Variants in KCND2 observed in about 807,000 individuals in gnomAD.
The protein encoded by KCND2 is potassium voltage-gated channel subfamily D member 2.
KCND2 carries 16 observed loss-of-function variants against 54.4 expected under a neutral mutation model. The observed-to-expected ratio is 0.29, with a 90% CI of 0.20 to 0.45. The LOEUF (loss-of-function observed/expected upper bound fraction) is 0.45, where lower values mean the gene tolerates loss of function less well. Ranked by LOEUF, KCND2 falls within the 20% of genes least tolerant of loss-of-function variation. KCND2 has a pLI of 1.00. For missense variants in KCND2, 486 were observed against 824.2 expected (o/e 0.59, Z 5.02); for synonymous variants, 317 against 310.7 (o/e 1.02, Z -0.21).
At position 120,474,940 on chromosome 7, in the gene KCND2, A is replaced by G. The variant is rs148458399; in HGVS notation, c.1115+199193A>G. Among the ~76,000 whole-genome samples the G allele has an allele frequency of 5.2e-3, 798 of 152,244 alleles. 6 individuals carry two copies. Among genetic ancestry groups the G allele is most frequent in the African/African-American group, 0.018 (746 of 41,546 alleles). ...ATGTTGCCTCCGAACTCCTGGGCTC[A>G]AGCAGTCCTCCCACCTCACCCTCCC... is the stretch of plus-strand genomic sequence containing the variant. On this transcript the variant is annotated intron_variant, in intron 1 of 5. Transcript: ENST00000331113.
intron 1 of KCND2, among the ~76,000 whole-genome samples, chr7:120,575,614 A>G (rs1218231269): frequency 2.0e-5 from 3 of 152,322 alleles, no homozygotes; most frequent in Non-Finnish European, 4.4e-5. Context: ...TATTAACTAT[A>G]GCGTAAATTC....
At chr7:120,438,935 A>G (rs1047471432) in intron 1 of KCND2, among the ~76,000 whole-genome samples, 3 of 152,134 alleles carry the variant, frequency 2.0e-5, no homozygotes, top group Non-Finnish European at 4.4e-5. Flanking sequence ...ACAAATATTT[A>G]TTAACTTTCT....
At chr7:120,617,446 A>T (rs1258848133) in intron 1 of KCND2, among the ~76,000 whole-genome samples, 1 of 152,192 alleles carries the variant, frequency 6.6e-6, no homozygotes, top group East Asian at 1.9e-4. Flanking sequence ...GTGAGATTCT[A>T]TTTCACACCA....
chr7:120,480,836 C>T (rs1376880145), intron 1 of KCND2, among the ~76,000 whole-genome samples: 2 of 152,110 alleles, frequency 1.3e-5, no homozygotes, highest in Non-Finnish European at 2.9e-5. Context: ...GAAAGAACAT[C>T]GGTACCAAGA....
intron 1 of KCND2, among the ~76,000 whole-genome samples, chr7:120,480,057 A>G (rs901708266): frequency 2.0e-5 from 3 of 151,542 alleles, no homozygotes; most frequent in Admixed American, 2.0e-4. Flanking sequence ...TTTATTCCTT[A>G]TAATGAACTT....
chr7:120,450,466 G>A (rs1257775386), intron 1 of KCND2, among the ~76,000 whole-genome samples: 2 of 152,070 alleles, frequency 1.3e-5, no homozygotes, highest in African/African-American at 4.8e-5. Flanking sequence ...AAAAGGAGAG[G>A]GGATGGGTTG....
At position 120,661,296 on chromosome 7, in the gene KCND2, A is replaced by G. The variant is rs563644182; in HGVS notation, c.1116-71607A>G. ...AAAATATTCTAACGCATCATTAGTC[A>G]TGATTATTAGTCATGGCCATAGGTT... On this transcript the variant is annotated intron_variant, in intron 1 of 5. Coordinates refer to ENST00000331113, the MANE Select transcript of KCND2 (RefSeq NM_012281.3). Among the ~76,000 whole-genome samples the G allele has an allele frequency of 1.4e-4, 21 of 152,278 alleles. No individual in the cohort carries two copies. The South Asian group carries it at 3.3e-3, about 24-fold the overall frequency.
intron 1 of KCND2, among the ~76,000 whole-genome samples, chr7:120,524,568 T>C (rs1791747773): frequency 6.6e-6 from 1 of 152,206 alleles, no homozygotes; most frequent in Admixed American, 6.5e-5. Flanking sequence ...CTTAGAGTCA[T>C]CTTAATTCAC....
Position 120,560,284 on chromosome 7 carries a change from A to C in KCND2, c.1116-172619A>C, listed in dbSNP as rs116432778. Reference sequence around the variant, plus strand: ...AAAAGCTTGCTGTATATTAATCAGCAGAAGAAATTTTAACTATTCAGTAGT... The same window carrying C: ...AAAAGCTTGCTGTATATTAATCAGCCGAAGAAATTTTAACTATTCAGTAGT... On this transcript the variant is annotated intron_variant, in intron 1 of 5. Coordinates refer to ENST00000331113, the MANE Select transcript of KCND2 (RefSeq NM_012281.3). 6.2e-3 allele frequency among the ~76,000 whole-genome samples: 939 copies of C among 152,338 alleles called. 10 individuals are homozygous for C. Among genetic ancestry groups the C allele is most frequent in the African/African-American group, 0.021 (870 of 41,580 alleles).
At chr7:120,671,941 C>A (rs1412948103) in intron 1 of KCND2, among the ~76,000 whole-genome samples, 2 of 152,102 alleles carry the variant, frequency 1.3e-5, no homozygotes, top group Non-Finnish European at 2.9e-5. Context: ...AAAACTTCCT[C>A]AACTTATCCC....
At chr7:120,444,405 T>C (rs957172464) in intron 1 of KCND2, among the ~76,000 whole-genome samples, 1 of 152,158 alleles carries the variant, frequency 6.6e-6, no homozygotes, top group African/African-American at 2.4e-5. Flanking sequence ...AGTCAGTATA[T>C]GGACTTAGCT....
intron 1 of KCND2, among the ~76,000 whole-genome samples, chr7:120,719,482 C>T (rs2116098599): frequency 6.6e-6 from 1 of 152,264 alleles, no homozygotes; most frequent in East Asian, 1.9e-4. Flanking sequence ...ACATTAATGA[C>T]ACCTATAATG....
At chr7:120,529,937 C>G (rs1184691935) in intron 1 of KCND2, among the ~76,000 whole-genome samples, 1 of 151,916 alleles carries the variant, frequency 6.6e-6, no homozygotes, top group African/African-American at 2.4e-5. Context: ...AAAAATTAGC[C>G]AGGCACACTC....
intron 1 of KCND2, among the ~76,000 whole-genome samples, chr7:120,730,900 C>T (rs553022690): frequency 2.6e-5 from 4 of 152,126 alleles, no homozygotes; most frequent in Non-Finnish European, 4.4e-5. Context: ...AATATAACCC[C>T]AAGTCCTCCT....
intron 1 of KCND2, among the ~76,000 whole-genome samples, chr7:120,383,969 G>A (rs771512619): frequency 1.3e-5 from 2 of 152,028 alleles, no homozygotes; most frequent in Non-Finnish European, 2.9e-5. Flanking sequence ...TATATCCCAA[G>A]TCTAACCTTG....
At chr7:120,369,495 A>G (rs1292479174) in intron 1 of KCND2, among the ~76,000 whole-genome samples, 3 of 152,100 alleles carry the variant, frequency 2.0e-5, no homozygotes, top group Non-Finnish European at 4.4e-5. Context: ...ATCTAAACAA[A>G]GCCGCAGTCT....
chr7:120,545,720 G>C (rs1792034517), intron 1 of KCND2, among the ~76,000 whole-genome samples: 2 of 151,708 alleles, frequency 1.3e-5, no homozygotes, highest in Admixed American at 6.6e-5. Context: ...TGATGTAGGG[G>C]CTAACAAGCA....
chr7:120,555,733 C>T (rs1792155814), intron 1 of KCND2, among the ~76,000 whole-genome samples: 1 of 152,156 alleles, frequency 6.6e-6, no homozygotes, highest in Non-Finnish European at 1.5e-5. Flanking sequence ...TTTCAGGGAA[C>T]ATTTAAGTCA....
chr7:120,442,245 C>T (rs896926476), intron 1 of KCND2, among the ~76,000 whole-genome samples: 7 of 152,022 alleles, frequency 4.6e-5, no homozygotes, highest in Non-Finnish European at 1.0e-4. Flanking sequence ...GGCTGCTGTC[C>T]ATGAGTCTAA....
Sources: gnomAD v4.1 joint callset for allele counts (sites outside exome capture counted in the v4.1 genomes callset) on GRCh38, gnomAD v4.1.1 for gene constraint, MANE v1.5 for transcripts, NCBI Gene and HGNC (gene_info 2026-07-23, HGNC 2026-07-21) for gene names.